DHX57: variants seen among roughly 807,000 people sequenced by gnomAD.
DHX57 encodes the protein DExH-box helicase 57, also known as putative ATP-dependent RNA helicase DHX57.
Under a neutral mutation model 156.2 loss-of-function variants are expected in DHX57, and 105 were observed. The ratio of observed to expected loss-of-function variants is 0.67; its 90% CI spans 0.57 to 0.79. The LOEUF (loss-of-function observed/expected upper bound fraction) is 0.79, where lower values mean the gene tolerates loss of function less well. Ranked by LOEUF, DHX57 falls within the 30% of genes least tolerant of loss-of-function variation. The pLI is 0.00. For missense variants in DHX57, 1,847 were observed against 1,661.9 expected, an observed-to-expected ratio of 1.11 and a Z score of -1.94; for synonymous variants, 704 against 595.6, an observed-to-expected ratio of 1.18 and a Z score of -2.65.
chr2:38,826,712 G>A (rs749135811), intron 14 of DHX57, 23 bp from the exon 15 acceptor site: 1 of 1,611,568 alleles, frequency 6.2e-7, no homozygotes, highest in South Asian at 1.1e-5. Context: ...AAAAGCACAT[G>A]AAGTATTCTA....
chr2:38,819,244 A>G, intron 17 of DHX57, 100 bp from the exon 18 acceptor site: 3 of 1,030,288 alleles, frequency 2.9e-6, no homozygotes, highest in Non-Finnish European at 4.4e-6. Context: ...GTGCGATCAT[A>G]GCCCACTGCA....
chr2:38,809,628 A>AT (rs998764827), intron 21 of DHX57, among the ~76,000 whole-genome samples: 27 of 150,834 alleles, frequency 1.8e-4, no homozygotes, highest in African/African-American at 6.6e-4. Context: ...TGCCTGGCTA[A>AT]TTTTTTTTGT....
intron 8 of DHX57, 80 bp from the exon 9 acceptor site, chr2:38,854,258 G>A (rs781449295): frequency 1.4e-6 from 2 of 1,428,910 alleles, no homozygotes; most frequent in Admixed American, 4.2e-5. Flanking sequence ...ATTTTGAATG[G>A]ATAGTGATAA....
chr2:38,848,032 G>A (rs904603108), intron 10 of DHX57, among the ~76,000 whole-genome samples: 4 of 151,478 alleles, frequency 2.6e-5, no homozygotes, highest in Non-Finnish European at 5.9e-5. Context: ...GCAGTGAGCC[G>A]AGATCACGCC....
intron 8 of DHX57, 46 bp from the exon 9 acceptor site, chr2:38,854,224 AAAAG>A (rs1282122526): frequency 3.8e-6 from 6 of 1,589,770 alleles, no homozygotes; most frequent in Non-Finnish European, 5.1e-6. Context: ...AATTTTCAAA[AAAAG>A]GAAACATTAC....
At chr2:38,854,330 C>G (rs1672767467) in intron 8 of DHX57, 152 bp from the exon 9 acceptor site, 1 of 660,324 alleles carries the variant, frequency 1.5e-6, no homozygotes, top group Non-Finnish European at 2.3e-6. Flanking sequence ...TAGTTTCTTG[C>G]CAGGGACAGT....
intron 17 of DHX57, 35 bp from the exon 18 acceptor site, chr2:38,819,179 C>CT (rs3832124): frequency 0.032 from 34,953 of 1,107,454 alleles, 1 homozygote; most frequent in Non-Finnish European, 0.036. Flanking sequence ...TTAAAGAACA[C>CT]TTTTTTTTTT....
intron 14 of DHX57, among the ~76,000 whole-genome samples, chr2:38,826,895 C>G (rs1448894470): frequency 6.6e-6 from 1 of 152,142 alleles, no homozygotes; most frequent in Non-Finnish European, 1.5e-5. Context: ...CTTTGGAAGG[C>G]TGAGGCAGGC....
intron 20 of DHX57, among the ~76,000 whole-genome samples, chr2:38,814,098 C>T (rs940469675): frequency 4.6e-5 from 7 of 151,938 alleles, no homozygotes; most frequent in East Asian, 1.9e-4. Flanking sequence ...CCGCTATGCC[C>T]GGTTAATTTT....
intron 22 of DHX57, chr2:38,803,138 T>G: frequency 1.9e-6 from 1 of 535,336 alleles, no homozygotes; most frequent in South Asian, 2.3e-5. Flanking sequence ...AAAAAAAAGC[T>G]TTTATTTTTT....
intron 13 of DHX57, among the ~76,000 whole-genome samples, chr2:38,833,466 T>C (rs1671487066): frequency 6.6e-6 from 1 of 151,636 alleles, no homozygotes; most frequent in Non-Finnish European, 1.5e-5. Flanking sequence ...TAGGATAGAG[T>C]AAGGGGATTG....
chr2:38,812,128 T>C (rs1670278397), intron 21 of DHX57, among the ~76,000 whole-genome samples: 2 of 152,190 alleles, frequency 1.3e-5, no homozygotes, highest in South Asian at 4.1e-4. Flanking sequence ...GGCAAAATAG[T>C]ACAGAGTTCC....
Position 38,798,088 on chromosome 2 carries a change from T to C in DHX57, c.*211A>G. ...AAGCTGGGTTTTAGGCTCTCACCCT[T>C]GACACTCCAAATTGTGCTGGGAGTG... On this transcript the variant is annotated 3_prime_UTR_variant, in exon 24 of 24. Coordinates refer to ENST00000457308, the MANE Select transcript of DHX57 (RefSeq NM_198963.3). The C allele has an allele frequency of 2.1e-6, 1 of 487,460 alleles. No individual in the cohort carries two copies. Among genetic ancestry groups the C allele is most frequent in the Non-Finnish European group, 3.6e-6 (1 of 279,422 alleles). The allele number at this position is 487,460 out of a possible 1,614,324, so 30.2% of individuals were successfully genotyped here.
chr2:38,802,395 C>G (rs1669724510), intron 23 of DHX57, among the ~76,000 whole-genome samples: 2 of 151,504 alleles, frequency 1.3e-5, no homozygotes, highest in Non-Finnish European at 2.9e-5. Context: ...TCAAGCGATT[C>G]TCATGTCTCA....
chr2:38,805,665 A>G (rs1167674538), intron 22 of DHX57, among the ~76,000 whole-genome samples: 1 of 152,158 alleles, frequency 6.6e-6, no homozygotes, highest in African/African-American at 2.4e-5. Flanking sequence ...ATGTGACTTC[A>G]GGGTTCTGGT....
intron 21 of DHX57, among the ~76,000 whole-genome samples, chr2:38,808,464 T>C (rs1670071425): frequency 6.6e-6 from 1 of 152,196 alleles, no homozygotes; most frequent in African/African-American, 2.4e-5. Flanking sequence ...TTGTGACATA[T>C]TTTCCTAAAA....
At chr2:38,837,351 C>G (rs1170228391) in intron 13 of DHX57, among the ~76,000 whole-genome samples, 1 of 151,912 alleles carries the variant, frequency 6.6e-6, no homozygotes, top group African/African-American at 2.4e-5. Context: ...TGGCTCACGC[C>G]AATAATCCCA....
At position 38,840,384 on chromosome 2, in the gene DHX57, AT is replaced by A. The variant is rs752426209; in HGVS notation, c.2426-2438del. Among the ~76,000 whole-genome samples the A allele has an allele frequency of 6.3e-3, 894 of 142,644 alleles. 7 individuals carry two copies. The highest frequency in any genetic ancestry group is 8.5e-3 in the Admixed American group (120 of 14,176). The allele number at this position is 142,644 out of a possible 152,430, so 93.6% of individuals were successfully genotyped here. The stretch of plus-strand genomic sequence containing the variant: ...ACATTGAGATCAACAAATTCAAGGC[AT>A]TTTTTTTTTTTTTGAGATGGAGTCT... On this transcript the variant is annotated intron_variant, in intron 12 of 23. Transcript: ENST00000457308.
intron 17 of DHX57, among the ~76,000 whole-genome samples, chr2:38,819,431 C>T (rs1233597974): frequency 6.6e-6 from 1 of 152,214 alleles, no homozygotes; most frequent in African/African-American, 2.4e-5. Flanking sequence ...CCACCTCGGC[C>T]TACCAAAATG....
Sources: allele counts gnomAD v4.1 joint callset (sites outside exome capture counted in the v4.1 genomes callset), GRCh38; gene constraint gnomAD v4.1.1; transcripts MANE v1.5; gene names NCBI Gene and HGNC (gene_info 2026-07-23, HGNC 2026-07-21).